The following ATRNL1 variants were observed in gnomAD, a reference collection of about 807,000 sequenced individuals.
The protein encoded by ATRNL1 is attractin-like protein 1.
In ATRNL1, 95 loss-of-function variants were observed where a neutral mutation model predicts 182.7. The ratio of observed to expected loss-of-function variants is 0.52; its 90% confidence interval spans 0.44 to 0.62. The LOEUF (loss-of-function observed/expected upper bound fraction) is 0.62. Among genes scored for constraint, ATRNL1 ranks in the 20% least tolerant of loss-of-function variants. The pLI is 0.00. For missense variants in ATRNL1, 1,471 were observed against 1,679.5 expected (o/e 0.88, Z 2.17); for synonymous variants, 576 against 568.3 (o/e 1.01, Z -0.19).
intron 27 of ATRNL1, among the ~76,000 whole-genome samples, chr10:115,774,030 C>A (rs545069747): frequency 1.3e-5 from 2 of 152,116 alleles, no homozygotes; most frequent in Non-Finnish European, 2.9e-5. Context: ...ACTTATGAAT[C>A]ATCTAGCTGA....
chr10:115,532,560 G>A (rs1422759343), intron 25 of ATRNL1, among the ~76,000 whole-genome samples: 2 of 151,746 alleles, frequency 1.3e-5, no homozygotes, highest in Non-Finnish European at 2.9e-5. Flanking sequence ...ATACAATCAT[G>A]TCGTCTGCAA....
chr10:115,190,460 A>G (rs1052213731), intron 8 of ATRNL1, among the ~76,000 whole-genome samples: 14 of 152,094 alleles, frequency 9.2e-5, no homozygotes, highest in African/African-American at 3.1e-4. Flanking sequence ...ACTGATGGAT[A>G]TATCAGTGCC....
chr10:115,620,020 A>T (rs1857639787), intron 26 of ATRNL1, among the ~76,000 whole-genome samples: 6 of 152,218 alleles, frequency 3.9e-5, no homozygotes, highest in Admixed American at 3.9e-4. Flanking sequence ...AATCCATTTC[A>T]CGTTATAAAG....
rs564355404 is a variant in ATRNL1 at position 115,947,378 on chromosome 10, T to A, written c.*2599T>A. ...CTAAACATTTCAGTTTAGAATGACT[T>A]TGAAAAATTCCTTAGATTTTTAGGA... is the stretch of plus-strand genomic sequence containing the variant. On this transcript the variant is annotated 3_prime_UTR_variant, in exon 29 of 29. Transcript: ENST00000355044. 1 of 152,642 alleles carries A rather than the reference T, an allele frequency of 6.6e-6. No homozygotes were observed. Among genetic ancestry groups the A allele is most frequent in the African/African-American group, 2.4e-5 (1 of 41,440 alleles). 9.5% of individuals were successfully genotyped at this position (152,642 alleles called of 1,614,324 possible).
chr10:115,467,270 T>A lies in ATRNL1; in HGVS notation c.3496+18T>A. The A allele has an allele frequency of 6.4e-7, 1 of 1,559,824 alleles. No individual in the cohort carries two copies. The highest frequency in any genetic ancestry group is 8.8e-7 in the Non-Finnish European group (1 of 1,137,398). On this transcript the variant is annotated intron_variant, in intron 23 of 28. Transcript: ENST00000355044. ...TTCAACAGGTAAAAAAATGTTGATG[T>A]CATATCTCTTTTACATGTGTTCCTA...
chr10:115,504,574 G>C (rs1850012134), intron 24 of ATRNL1, among the ~76,000 whole-genome samples: 1 of 152,124 alleles, frequency 6.6e-6, no homozygotes, highest in African/African-American at 2.4e-5. Context: ...GCCAAATTTT[G>C]ACACTGTATA....
chr10:115,442,845 C>A (rs923240390), intron 21 of ATRNL1, among the ~76,000 whole-genome samples: 1 of 151,894 alleles, frequency 6.6e-6, no homozygotes, highest in Non-Finnish European at 1.5e-5. Flanking sequence ...GTCTATAATT[C>A]TGATTGGAAT....
intron 24 of ATRNL1, among the ~76,000 whole-genome samples, chr10:115,470,489 C>G (rs1848255058): frequency 6.6e-6 from 1 of 150,402 alleles, no homozygotes; most frequent in Non-Finnish European, 1.5e-5. Flanking sequence ...TCAAATTTCA[C>G]TTCATTTATT....
At chr10:115,744,989 C>G (rs1041071899) in intron 27 of ATRNL1, among the ~76,000 whole-genome samples, 1 of 152,126 alleles carries the variant, frequency 6.6e-6, no homozygotes, top group Admixed American at 6.6e-5. Flanking sequence ...TGTGTGCAGT[C>G]ATACAGTGAC....
At chr10:115,739,732 T>G (rs1948082873) in intron 27 of ATRNL1, among the ~76,000 whole-genome samples, 1 of 152,210 alleles carries the variant, frequency 6.6e-6, no homozygotes, top group South Asian at 2.1e-4. Context: ...GTTTCTAACC[T>G]TTTAGATTGT....
intron 26 of ATRNL1, among the ~76,000 whole-genome samples, chr10:115,632,336 A>G (rs1592979274): frequency 6.6e-6 from 1 of 152,180 alleles, no homozygotes; most frequent in African/African-American, 2.4e-5. Context: ...CTATAACTTC[A>G]TGACTGGAAA....
chr10:115,577,001 A>G (rs1854756421), intron 26 of ATRNL1, among the ~76,000 whole-genome samples: 1 of 150,456 alleles, frequency 6.6e-6, no homozygotes. Context: ...TCCATTCCCT[A>G]TTGTGTCCTC....
intron 21 of ATRNL1, among the ~76,000 whole-genome samples, chr10:115,448,592 C>T (rs188475171): frequency 6.6e-6 from 1 of 152,036 alleles, no homozygotes; most frequent in East Asian, 1.9e-4. Context: ...AAATTAACAA[C>T]ATAACATCAC....
chr10:115,735,224 A>T (rs1947913152), intron 27 of ATRNL1, among the ~76,000 whole-genome samples: 1 of 152,148 alleles, frequency 6.6e-6, no homozygotes, highest in Admixed American at 6.6e-5. Context: ...TTTGATAATA[A>T]ACTCTCTTAG....
Position 115,366,197 on chromosome 10 carries a change from T to C in ATRNL1, c.3176-28462T>C, listed in dbSNP as rs1343066157. ...TCAGGACTTGCTTTATGAATCTAGG[T>C]GCTCCTGTATTGGGTGCATATATAT... On this transcript the variant is annotated intron_variant, in intron 19 of 28. Transcript: ENST00000355044. Among the ~76,000 whole-genome samples, 5 of 152,192 alleles carry C rather than the reference T, an allele frequency of 3.3e-5. No homozygotes were observed. The East Asian group carries it at 9.6e-4, about 29-fold the overall frequency.
intron 10 of ATRNL1, among the ~76,000 whole-genome samples, chr10:115,255,014 T>A (rs1851056302): frequency 6.6e-6 from 1 of 152,234 alleles, no homozygotes; most frequent in Non-Finnish European, 1.5e-5. Context: ...TTGGTACCAG[T>A]ACCATGCTGT....
At chr10:115,686,297 A>C (rs904901428) in intron 26 of ATRNL1, among the ~76,000 whole-genome samples, 1 of 151,972 alleles carries the variant, frequency 6.6e-6, no homozygotes, top group Non-Finnish European at 1.5e-5. Context: ...CAATACCGCA[A>C]ATGGTTCCTT....
chr10:115,404,714 G>A (rs1401974844), intron 20 of ATRNL1, among the ~76,000 whole-genome samples: 17 of 151,970 alleles, frequency 1.1e-4, no homozygotes, highest in African/African-American at 3.9e-4. Flanking sequence ...TGTTCATTAA[G>A]TGTGACTGCT....
chr10:115,283,160 T>A (rs1852451571), intron 14 of ATRNL1, among the ~76,000 whole-genome samples: 1 of 152,190 alleles, frequency 6.6e-6, no homozygotes, highest in South Asian at 2.1e-4. Flanking sequence ...ACACCTGTAA[T>A]TCTAGCACTT....
Sources: gnomAD v4.1 joint callset for allele counts (sites outside exome capture counted in the v4.1 genomes callset) on GRCh38, gnomAD v4.1.1 for gene constraint, MANE v1.5 for transcripts, NCBI Gene and HGNC (gene_info 2026-07-23, HGNC 2026-07-21) for gene names.